Variants in CHD7 observed in about 807,000 individuals in gnomAD.
The protein encoded by CHD7 is ATP-dependent chromatin remodeler CHD7.
Under a neutral mutation model 307.3 loss-of-function variants are expected in CHD7, and 24 were observed. The ratio of observed to expected loss-of-function variants is 0.08; its 90% confidence interval spans 0.06 to 0.11. The LOEUF (loss-of-function observed/expected upper bound fraction) is 0.11. Ranked by LOEUF, CHD7 falls within the 10% of genes least tolerant of loss-of-function variation. The pLI is 1.00. For missense variants in CHD7, 3,106 were observed against 3,727.1 expected (o/e 0.83, Z 4.34); for synonymous variants, 1,363 against 1,349.9 (o/e 1.01, Z -0.21).
rs916713081 is a variant in CHD7, at chr8:60,820,070, A to G, written c.2677A>G (p.Ser893Gly). ...TGACCGGATAATGGACTTTGCACGT[A>G]GCACAGATGACCGGGGAGAGGTAAC... ...EVDRIMDFAR[S>G]TDDRGEPVTH... The change falls in exon 9 of 38, where the codon AGC (serine) becomes GGC (glycine). Residue 893 changes from serine (S) to glycine (G), a missense_variant. By Grantham distance (56) the Ser-to-Gly change is moderately conservative. This residue lies in a region of CHD7 where 188 missense variants were observed against 261.7 expected (regional missense o/e 0.72). Transcript: ENST00000423902. 4 of 1,609,304 alleles carry G rather than the reference A, an allele frequency of 2.5e-6. No homozygotes were observed. The highest frequency in any genetic ancestry group is 2.7e-5 in the African/African-American group (2 of 74,796).
chr8:60,812,578 C>T lies in CHD7; in HGVS notation c.2499-3809C>T, dbSNP rs187135284. ...ACTCGGGAGGCTGAGGCAGGAGAAT[C>T]GCTTGAACCCGGGAGGCAGAGGTGG... On this transcript the variant is annotated intron_variant, in intron 7 of 37. Coordinates refer to ENST00000423902, the MANE Select transcript of CHD7 (RefSeq NM_017780.4). 1.3e-4 allele frequency among the ~76,000 whole-genome samples: 19 copies of T among 150,540 alleles called. No individual in the cohort carries two copies. In the East Asian group the frequency reaches 2.9e-3, roughly 23 times the overall value.
intron 1 of CHD7, among the ~76,000 whole-genome samples, chr8:60,689,004 C>T (rs940014646): frequency 6.6e-6 from 1 of 152,052 alleles, no homozygotes; most frequent in Non-Finnish European, 1.5e-5. Flanking sequence ...ATGTGAGTAG[C>T]AACTAGAACA....
chr8:60,830,228 T>G, intron 14 of CHD7, 94 bp from the exon 15 acceptor site: 7 of 1,291,062 alleles, frequency 5.4e-6, no homozygotes, highest in Non-Finnish European at 7.5e-6. Flanking sequence ...AATGGATGTT[T>G]AATGAATGAG....
In CHD7 at chr8:60,781,335, A is replaced by G; in HGVS notation, c.2001A>G (p.Glu667=). 1 of 1,572,404 alleles carries G rather than the reference A, an allele frequency of 6.4e-7. No homozygotes were observed. The highest frequency in any genetic ancestry group is 1.2e-5 in the South Asian group (1 of 84,160). The part of the protein sequence containing the change: ...KEPKEKKEPK[E]PKTPKAPKIP... ...CCAAGGAGAAAAAAGAGCCCAAGGAACCCAAGACCCCGAAAGCCCCTAAGA... is the reference window on the plus strand; with the variant it reads ...CCAAGGAGAAAAAAGAGCCCAAGGAGCCCAAGACCCCGAAAGCCCCTAAGA... The change falls in exon 3 of 38, where the codon GAA becomes GAG. Residue 667 remains glutamate, a synonymous_variant. Coordinates refer to ENST00000423902, the MANE Select transcript of CHD7 (RefSeq NM_017780.4).
Position 60,742,255 on chromosome 8 carries a change from T to G in CHD7, c.823T>G (p.Phe275Val). 6.2e-7 allele frequency: 1 copy of G among 1,613,854 alleles called. No individual in the cohort carries two copies. Among genetic ancestry groups the G allele is most frequent in the Non-Finnish European group, 8.5e-7 (1 of 1,179,850 alleles). The stretch of plus-strand genomic sequence containing the variant: ...AGAATCCGTTGCCCACAGTCCCAGA[T>G]TCTCCCCGAATCCTCCCCAACAAGG... ...HGESVAHSPRFSPNPPQQGAV... is the reference protein window; with the variant it reads ...HGESVAHSPRVSPNPPQQGAV... The change falls in exon 2 of 38, where the codon TTC (phenylalanine) becomes GTC (valine). Residue 275 changes from phenylalanine (F) to valine (V), a missense_variant. Phe to Val is a conservative substitution (Grantham distance 50, BLOSUM62 -1). Transcript: ENST00000423902.
intron 1 of CHD7, among the ~76,000 whole-genome samples, chr8:60,688,257 A>G (rs2150483243): frequency 6.6e-6 from 1 of 152,256 alleles, no homozygotes; most frequent in East Asian, 1.9e-4. Context: ...GACATAATAC[A>G]TTCTCCTAAC....
At chr8:60,700,842 C>A (rs542130076) in intron 1 of CHD7, among the ~76,000 whole-genome samples, 1 of 152,300 alleles carries the variant, frequency 6.6e-6, no homozygotes, top group South Asian at 2.1e-4. Context: ...ACTGTAAGTG[C>A]AATGAGGACG....
chr8:60,816,793 G>T (rs1455703141), intron 8 of CHD7, among the ~76,000 whole-genome samples: 2 of 152,146 alleles, frequency 1.3e-5, no homozygotes, highest in South Asian at 4.2e-4. Context: ...TTAAGTAAGT[G>T]GACAGAAGTT....
chr8:60,682,731 A>G (rs927589755), intron 1 of CHD7, among the ~76,000 whole-genome samples: 37 of 152,266 alleles, frequency 2.4e-4, no homozygotes, highest in Admixed American at 2.1e-3. Flanking sequence ...AGATAAACTT[A>G]TAAGTAATAG....
At chr8:60,860,047 G>A (rs1212336361) in intron 34 of CHD7, among the ~76,000 whole-genome samples, 1 of 152,172 alleles carries the variant, frequency 6.6e-6, no homozygotes, top group East Asian at 1.9e-4. Flanking sequence ...TGGTAGAGCT[G>A]TGGGGAAGGA....
intron 2 of CHD7, among the ~76,000 whole-genome samples, chr8:60,761,045 A>T (rs1188972871): frequency 6.6e-6 from 1 of 152,140 alleles, no homozygotes; most frequent in Non-Finnish European, 1.5e-5. Flanking sequence ...ATGCACACGT[A>T]TGTTTACTGC....
At chr8:60,743,503 A>G (rs568783095) in intron 2 of CHD7, among the ~76,000 whole-genome samples, 1 of 152,362 alleles carries the variant, frequency 6.6e-6, no homozygotes, top group African/African-American at 2.4e-5. Flanking sequence ...CGTGTGTGGT[A>G]GTCTCCTCCA....
At chr8:60,844,747 C>T in intron 21 of CHD7, 117 bp from the exon 22 acceptor site, 1 of 757,958 alleles carries the variant, frequency 1.3e-6, no homozygotes, top group South Asian at 2.2e-5. Flanking sequence ...TCCTATCACC[C>T]AGTGTGAATT....
intron 37 of CHD7, chr8:60,862,881 C>G (rs1586463517): frequency 9.6e-6 from 5 of 521,202 alleles, no homozygotes; most frequent in South Asian, 7.4e-5. Context: ...AACATACATT[C>G]ACAATCTTAG....
At chr8:60,735,460 G>A (rs920902093) in intron 1 of CHD7, among the ~76,000 whole-genome samples, 16 of 152,144 alleles carry the variant, frequency 1.1e-4, no homozygotes, top group Admixed American at 3.3e-4. Flanking sequence ...GGGACAAACA[G>A]ACCTTAGAAG....
At chr8:60,761,133 A>G (rs1810176950) in intron 2 of CHD7, among the ~76,000 whole-genome samples, 1 of 152,008 alleles carries the variant, frequency 6.6e-6, no homozygotes, top group Admixed American at 6.6e-5. Context: ...AAAATGTGGC[A>G]CATATACACC....
At chr8:60,763,054 G>A (rs1391727912) in intron 2 of CHD7, among the ~76,000 whole-genome samples, 1 of 152,146 alleles carries the variant, frequency 6.6e-6, no homozygotes, top group African/African-American at 2.4e-5. Flanking sequence ...GCAAAGAAAT[G>A]GGAGTCATGC....
chr8:60,690,173 T>G (rs1484647363), intron 1 of CHD7, among the ~76,000 whole-genome samples: 2 of 138,736 alleles, frequency 1.4e-5, no homozygotes, highest in Non-Finnish European at 2.9e-5. Flanking sequence ...ACAGAGTGGG[T>G]GGATGTTCCT....
chr8:60,730,201 C>G (rs1233318043), intron 1 of CHD7, among the ~76,000 whole-genome samples: 1 of 152,180 alleles, frequency 6.6e-6, no homozygotes, highest in Non-Finnish European at 1.5e-5. Context: ...AGTTTTCCCC[C>G]AGTACATGAC....
Sources: allele counts gnomAD v4.1 joint callset (sites outside exome capture counted in the v4.1 genomes callset), GRCh38; gene constraint gnomAD v4.1.1; regional missense constraint gnomAD v4.1.1; transcripts MANE v1.5; gene names NCBI Gene and HGNC (gene_info 2026-07-23, HGNC 2026-07-21).